ZNF577: variants seen among roughly 807,000 people sequenced by gnomAD.
ZNF577 encodes the protein zinc finger protein 577.
A neutral mutation model predicts 13.9 loss-of-function variants in ZNF577; 14 were observed. The ratio of observed to expected loss-of-function variants is 1.00; its 90% CI spans 0.66 to 1.57. ZNF577 has a LOEUF of 1.57. ZNF577 is among the 40% of genes most tolerant of loss of function. ZNF577 has a pLI of 0.00. For missense variants in ZNF577, 555 were observed against 579.2 expected, an observed-to-expected ratio of 0.96 and a Z score of 0.43; for synonymous variants, 203 against 202.9, an observed-to-expected ratio of 1.00 and a Z score of 0.00.
In ZNF577 at chr19:51,883,739, TG is replaced by T. The variant is rs1391735040; in HGVS notation, c.-218-2863del. On this transcript the variant is annotated intron_variant, in intron 1 of 5. Coordinates refer to ENST00000638348, the MANE Select transcript of ZNF577 (RefSeq NM_001370449.1). ...CCAATGTTAAAAGACAATGATGAGA[TG>T]ATCAGAAAAAAACTGAATGTGGACT... 2.6e-5 allele frequency among the ~76,000 whole-genome samples: 4 copies of T among 152,158 alleles called. No individual in the cohort carries two copies. The East Asian group carries it at 7.7e-4, about 29-fold the overall frequency.
intron 5 of ZNF577, among the ~76,000 whole-genome samples, chr19:51,854,042 A>G (rs539997517): frequency 6.6e-6 from 1 of 152,246 alleles, no homozygotes; most frequent in African/African-American, 2.4e-5. Context: ...CTGCTATACT[A>G]TTCTTTAAGT....
chr19:51,865,392 CG>C (rs869253250), downstream of ZNF577, among the ~76,000 whole-genome samples: 16 of 135,246 alleles, frequency 1.2e-4, no homozygotes, highest in African/African-American at 3.8e-4. Context: ...CCACCATGCC[CG>C]CGCCTTCCCA....
chr19:51,847,702 G>A (rs1317871494), intron 5 of ZNF577, among the ~76,000 whole-genome samples: 10 of 152,104 alleles, frequency 6.6e-5, no homozygotes, highest in Non-Finnish European at 1.5e-4. Flanking sequence ...GCCTTAAACG[G>A]CAACCCCAGA....
At position 51,822,866 on chromosome 19, in the gene ZNF577, T is replaced by C. The variant is rs892644995; in HGVS notation, c.*600-11192A>G. ...TATAGGATGTAATATATTTCTGCTC[T>C]TTTTTTTTGTGGGGGGAAATGGAAT... On this transcript the variant is annotated intron_variant and NMD_transcript_variant, in intron 9 of 10. Coordinates refer to the ZNF577 transcript ENST00000638827. Among the ~76,000 whole-genome samples the C allele has an allele frequency of 1.7e-4, 25 of 148,456 alleles. 1 individual carries two copies. The highest frequency in any genetic ancestry group is 1.4e-3 in the Admixed American group (21 of 15,068).
chr19:51,855,295 CTTAG>C (rs2084406273), intron 5 of ZNF577, among the ~76,000 whole-genome samples: 1 of 151,516 alleles, frequency 6.6e-6, no homozygotes, highest in Non-Finnish European at 1.5e-5. Context: ...GAAGTCTTTT[CTTAG>C]TTAGCTAATG....
rs1022680930 is a variant in ZNF577, at chr19:51,824,985, C to T, written c.*600-13311G>A. The T allele has an allele frequency of 5.0e-6, 3 of 600,704 alleles. No individual in the cohort carries two copies. The highest frequency in any genetic ancestry group is 3.7e-5 in the African/African-American group (2 of 53,598). The allele number at this position is 600,704 out of a possible 1,614,324, so 37.2% of individuals were successfully genotyped here. On this transcript the variant is annotated intron_variant and NMD_transcript_variant, in intron 9 of 10. Coordinates refer to the ZNF577 transcript ENST00000638827. This position sits in a 1 kb window ranked among gnomAD's most constrained non-coding sequence, Gnocchi z 4.7. ...CCCACAACCAAGCAATAGACACCAG[C>T]TGGGTGTCCTACAATTAAATTCCAA... is the stretch of plus-strand genomic sequence containing the variant.
chr19:51,820,356 C>T (rs886413780), intron 9 of ZNF577, among the ~76,000 whole-genome samples: 6 of 152,120 alleles, frequency 3.9e-5, no homozygotes, highest in African/African-American at 1.4e-4. Context: ...TATACAAGAA[C>T]AATATTTGTC....
rs115218037 is a variant in ZNF577 at position 51,877,213 on chromosome 19, C to T, written c.283+69G>A. 3,312 of 1,376,182 alleles carry T rather than the reference C, an allele frequency of 2.4e-3. 62 individuals are homozygous for T. In the African/African-American group the frequency reaches 0.042, roughly 17 times the overall value. 85.2% of individuals were successfully genotyped at this position (1,376,182 alleles called of 1,614,324 possible). On this transcript the variant is annotated intron_variant, in intron 5 of 5. Transcript: ENST00000638348. The stretch of plus-strand genomic sequence containing the variant: ...CCTCTAAAGAACACTTTAAAAGCAT[C>T]AACCCTTCTCCGACCAGCTGGGATT...
chr19:51,857,420 AAG>A (rs761771875), intron 5 of ZNF577, among the ~76,000 whole-genome samples: 4 of 121,432 alleles, frequency 3.3e-5, no homozygotes, highest in African/African-American at 3.6e-5. Flanking sequence ...GAAAGAAAGA[AAG>A]AAAGAAAAGA....
chr19:51,821,263 T>G (rs1052917750), intron 9 of ZNF577, among the ~76,000 whole-genome samples: 1 of 152,206 alleles, frequency 6.6e-6, no homozygotes. Flanking sequence ...GTGCCAACGA[T>G]AAGAGTAGCG....
intron 5 of ZNF577, among the ~76,000 whole-genome samples, chr19:51,875,113 A>G (rs2084735800): frequency 6.6e-6 from 1 of 152,106 alleles, no homozygotes; most frequent in African/African-American, 2.4e-5. Flanking sequence ...TCACGTCTGT[A>G]GTCCCAGCAC....
chr19:51,855,151 T>C (rs1177277771), intron 5 of ZNF577, among the ~76,000 whole-genome samples: 1 of 152,236 alleles, frequency 6.6e-6, no homozygotes, highest in Non-Finnish European at 1.5e-5. Context: ...ATAGAAATTT[T>C]AGATCATATA....
intron 2 of ZNF577, 112 bp downstream of exon 2, chr19:51,880,567 A>G: frequency 1.6e-6 from 1 of 634,804 alleles, no homozygotes; most frequent in Admixed American, 2.8e-5. Context: ...TTATTTTCCC[A>G]CAGATCCTGA....
intron 5 of ZNF577, among the ~76,000 whole-genome samples, chr19:51,845,973 C>T (rs980072156): frequency 1.3e-4 from 20 of 151,972 alleles, no homozygotes; most frequent in Admixed American, 7.9e-4. Flanking sequence ...CATTTCCTTT[C>T]GATATGTGCC....
intron 10 of ZNF577, among the ~76,000 whole-genome samples, chr19:51,807,320 A>G (rs1361594052): frequency 2.6e-5 from 4 of 152,214 alleles, no homozygotes; most frequent in Admixed American, 1.3e-4. Flanking sequence ...CTCTCAATAG[A>G]TAACTTCAAG....
chr19:51,873,224 G>A lies in ZNF577; in HGVS notation c.766C>T (p.Arg256Trp), dbSNP rs372758734. Residue 256 changes from arginine (R) to tryptophan (W), a missense_variant, in exon 6 of 6, where the codon CGG (arginine) becomes TGG (tryptophan). Coordinates refer to ENST00000638348, the MANE Select transcript of ZNF577 (RefSeq NM_001370449.1). ...TGTGATCGCTGATGTCTATTGAGCC[G>A]GCACTTCCGGCTGAAGGCTTTTCCG... is the stretch of plus-strand genomic sequence containing the variant. ...KCGKAFSRKC[R>W]LNRHQRSHTG... The A allele has an allele frequency of 1.6e-5, 26 of 1,613,860 alleles. No homozygotes were observed. Among genetic ancestry groups the A allele is most frequent in the Middle Eastern group, 1.6e-4 (1 of 6,062 alleles).
chr19:51,848,884 T>C (rs1407016394), intron 5 of ZNF577, among the ~76,000 whole-genome samples: 1 of 152,244 alleles, frequency 6.6e-6, no homozygotes, highest in Non-Finnish European at 1.5e-5. Context: ...TATCTTTTAT[T>C]TTAATAATGC....
intron 4 of ZNF577, 177 bp from the exon 5 acceptor site, chr19:51,877,554 AC>A: frequency 2.0e-6 from 1 of 506,670 alleles, no homozygotes; most frequent in Non-Finnish European, 3.5e-6. Context: ...TGCGTGACAC[AC>A]CCATACCCAT....
downstream of ZNF577, among the ~76,000 whole-genome samples, chr19:51,864,850 C>T (rs1184423754): frequency 1.3e-5 from 2 of 152,174 alleles, no homozygotes; most frequent in Non-Finnish European, 2.9e-5. Flanking sequence ...TGATGAAGCA[C>T]CCTTACGCCC....
Sources: gnomAD v4.1 joint callset for allele counts (sites outside exome capture counted in the v4.1 genomes callset) on GRCh38, gnomAD v4.1.1 for gene constraint, Gnocchi (gnomAD v3.1) non-coding constraint, MANE v1.5 for transcripts, NCBI Gene and HGNC (gene_info 2026-07-23, HGNC 2026-07-21) for gene names.